MED12L: variants seen among roughly 807,000 people sequenced by gnomAD.
MED12L encodes the protein mediator of RNA polymerase II transcription subunit 12-like protein.
MED12L carries 60 observed loss-of-function variants against 281.3 expected under a neutral mutation model. That is an observed-to-expected ratio of 0.21 (90% CI 0.17 to 0.26). MED12L has a LOEUF of 0.26. Among genes scored for constraint, MED12L ranks in the 10% least tolerant of loss-of-function variants. The probability of loss-of-function intolerance (pLI) is 1.00; values close to 1 mark genes in which losing one functional copy is unlikely to be tolerated. For synonymous variants in MED12L, 974 were observed against 987.2 expected (o/e 0.99, Z 0.25); for missense variants, 2,146 against 2,680.9 (o/e 0.80, Z 4.41).
intron 16 of MED12L, among the ~76,000 whole-genome samples, chr3:151,201,223 A>T (rs61112437): frequency 0.018 from 2,616 of 147,966 alleles, 79 homozygotes; most frequent in African/African-American, 0.06. Context: ...ACGTGCACAC[A>T]CTCTCTCTCT....
At chr3:151,292,842 G>A (rs1744454507) in intron 16 of MED12L, among the ~76,000 whole-genome samples, 1 of 152,152 alleles carries the variant, frequency 6.6e-6, no homozygotes, top group African/African-American at 2.4e-5. Context: ...GACTTTCTGG[G>A]GAAAGTGGAG....
chr3:151,275,535 G>GTATT (rs1475767320), intron 16 of MED12L, among the ~76,000 whole-genome samples: 1 of 152,154 alleles, frequency 6.6e-6, no homozygotes, highest in Non-Finnish European at 1.5e-5. Context: ...CATATGACCA[G>GTATT]TATTTCACTT....
At chr3:151,383,130 T>C (rs1258366607) in intron 33 of MED12L, among the ~76,000 whole-genome samples, 2 of 152,234 alleles carry the variant, frequency 1.3e-5, no homozygotes, top group African/African-American at 2.4e-5. Flanking sequence ...TTCCATCAAA[T>C]TGATTATAAA....
At chr3:151,248,071 C>T (rs1428753454) in intron 16 of MED12L, among the ~76,000 whole-genome samples, 1 of 141,864 alleles carries the variant, frequency 7.0e-6, no homozygotes, top group African/African-American at 2.6e-5. Context: ...GAAATTACTA[C>T]ATAATTTATA....
At position 151,106,370 on chromosome 3, in the gene MED12L, C is replaced by T. The variant is rs118110201; in HGVS notation, c.100-9968C>T. 0.014 allele frequency among the ~76,000 whole-genome samples: 1,740 copies of T among 123,720 alleles called. 46 individuals carry two copies. The East Asian group carries it at 0.15, about 10-fold the overall frequency. The allele number at this position is 123,720 out of a possible 152,430, so 81.2% of individuals were successfully genotyped here. ...TTTCCTTTCCTTTCCTACAGGGTCT[C>T]GCCATGTTGGGCAGGTTAATATGAA... is the stretch of plus-strand genomic sequence containing the variant. On this transcript the variant is annotated intron_variant, in intron 2 of 44. Transcript: ENST00000687756.
chr3:151,385,017 CTT>C lies in MED12L; in HGVS notation c.4927-8_4927-7del. ...CCCACTTCTCACTCTCTCTCTCTCT[CTT>C]TTTTCTTTAGAAAGAGCTAGGAGAC... On this transcript the variant is annotated splice_polypyrimidine_tract_variant and intron_variant, in intron 35 of 44. Coordinates refer to ENST00000687756, the MANE Select transcript of MED12L (RefSeq NM_001393769.1). 1.5e-6 allele frequency: 2 copies of C among 1,324,544 alleles called. No individual in the cohort carries two copies. Among genetic ancestry groups the C allele is most frequent in the East Asian group, 2.3e-5 (1 of 42,868 alleles). The allele number at this position is 1,324,544 out of a possible 1,614,324, so 82.0% of individuals were successfully genotyped here.
chr3:151,403,179 A>G (rs954029504), intron 39 of MED12L, among the ~76,000 whole-genome samples: 2 of 152,172 alleles, frequency 1.3e-5, no homozygotes, highest in Non-Finnish European at 2.9e-5. Flanking sequence ...TGCATTGACC[A>G]TGTTTAATTT....
At chr3:151,211,997 A>G (rs776896620) in intron 16 of MED12L, 1 of 152,218 alleles carries the variant, frequency 6.6e-6, no homozygotes, top group African/African-American at 2.4e-5. Flanking sequence ...TGAATTCTCT[A>G]TGTAACTGTC....
chr3:151,103,082 T>C (rs1201302804), intron 2 of MED12L, among the ~76,000 whole-genome samples: 2 of 152,250 alleles, frequency 1.3e-5, no homozygotes, highest in Non-Finnish European at 2.9e-5. Context: ...GCAAGAACTA[T>C]ATGGCATACC....
intron 16 of MED12L, among the ~76,000 whole-genome samples, chr3:151,291,159 T>G (rs1294986472): frequency 7.3e-6 from 1 of 137,390 alleles, no homozygotes; most frequent in Non-Finnish European, 1.6e-5. Context: ...TGTTTTTTTT[T>G]TTTTTTGTTT....
At chr3:151,297,463 G>C (rs1745257912) in intron 16 of MED12L, among the ~76,000 whole-genome samples, 1 of 152,172 alleles carries the variant, frequency 6.6e-6, no homozygotes, top group African/African-American at 2.4e-5. Context: ...GGAATAAAGG[G>C]TCCAGCTGAG....
chr3:151,288,060 C>A (rs1355234182), intron 16 of MED12L, among the ~76,000 whole-genome samples: 4 of 152,174 alleles, frequency 2.6e-5, no homozygotes, highest in Admixed American at 2.6e-4. Context: ...AAACCTTGGT[C>A]ATATTCTTCT....
At chr3:151,391,575 G>A (rs1184443721) in intron 38 of MED12L, among the ~76,000 whole-genome samples, 4 of 151,644 alleles carry the variant, frequency 2.6e-5, no homozygotes, top group East Asian at 1.9e-4. Flanking sequence ...AACAATAGGC[G>A]ATCAACTACA....
In MED12L at chr3:151,185,285, A is replaced by G. The variant is rs374277307; in HGVS notation, c.1495-45A>G. 3.8e-6 allele frequency: 6 copies of G among 1,588,124 alleles called. No individual in the cohort carries two copies. The East Asian group carries it at 1.4e-4, about 36-fold the overall frequency. ...TTGCTTCCTGCCTCTTGCTGGGTGAATGTTTCATTTGATGTGGCTGGTACC... is the reference window on the plus strand; with the variant it reads ...TTGCTTCCTGCCTCTTGCTGGGTGAGTGTTTCATTTGATGTGGCTGGTACC... On this transcript the variant is annotated intron_variant, in intron 11 of 44. Coordinates refer to ENST00000687756, the MANE Select transcript of MED12L (RefSeq NM_001393769.1).
At chr3:151,298,171 C>T (rs960187335) in intron 16 of MED12L, among the ~76,000 whole-genome samples, 1 of 152,106 alleles carries the variant, frequency 6.6e-6, no homozygotes, top group Non-Finnish European at 1.5e-5. Flanking sequence ...CTATCATTGC[C>T]TTAAATATTT....
rs1413805607 is a variant in MED12L at position 151,243,640 on chromosome 3, T to C, written c.2250+49974T>C. Among the ~76,000 whole-genome samples, 64 of 151,826 alleles carry C rather than the reference T, an allele frequency of 4.2e-4. 1 individual carries two copies. The South Asian group carries it at 8.1e-3, about 19-fold the overall frequency. ...AGCGCTAAACATGGAAAGGAACAAC[T>C]GGTACCAGCCGCTGCAAAATCATGC... is the stretch of plus-strand genomic sequence containing the variant. On this transcript the variant is annotated intron_variant, in intron 16 of 44. Transcript: ENST00000687756.
At chr3:151,087,074 A>T (rs779893879) in intron 2 of MED12L, 49 bp downstream of exon 2, 1 of 1,480,942 alleles carries the variant, frequency 6.8e-7, no homozygotes, top group African/African-American at 1.4e-5. Context: ...GCTCTGCAGC[A>T]CTGACCCGGG....
At chr3:151,370,381 A>G (rs979611524) in intron 26 of MED12L, among the ~76,000 whole-genome samples, 33 of 152,156 alleles carry the variant, frequency 2.2e-4, no homozygotes, top group African/African-American at 7.5e-4. Flanking sequence ...GATGAGTCCT[A>G]AATAACATGT....
intron 16 of MED12L, among the ~76,000 whole-genome samples, chr3:151,324,723 G>A (rs1749381373): frequency 1.3e-5 from 2 of 152,182 alleles, no homozygotes; most frequent in South Asian, 4.1e-4. Context: ...ATGTGTATTT[G>A]GAGAATCTCT....
Sources: gnomAD v4.1 joint callset for allele counts (sites outside exome capture counted in the v4.1 genomes callset) on GRCh38, gnomAD v4.1.1 for gene constraint, MANE v1.5 for transcripts, NCBI Gene and HGNC (gene_info 2026-07-23, HGNC 2026-07-21) for gene names.